Variants in UGT3A1 observed in about 807,000 individuals in gnomAD.
UGT3A1 encodes UDP glycosyltransferase family 3 member A1, also known as UDP-glycosyltransferase 3A1.
A neutral mutation model predicts 37.6 loss-of-function variants in UGT3A1; 40 were observed. That is an observed-to-expected ratio of 1.06 (90% CI 0.83 to 1.38). The LOEUF is 1.38. UGT3A1 is among the 40% of genes most tolerant of loss of function. The pLI, the probability that UGT3A1 is intolerant of heterozygous loss-of-function variation, is 0.00. For missense variants in UGT3A1, 642 were observed against 634.2 expected, an observed-to-expected ratio of 1.01 and a Z score of -0.13; for synonymous variants, 256 against 232.3, an observed-to-expected ratio of 1.10 and a Z score of -0.93.
chr5:35,958,461 T>TACC (rs1739444953), intron 4 of UGT3A1, among the ~76,000 whole-genome samples: 1 of 152,244 alleles, frequency 6.6e-6, no homozygotes. Context: ...CTGCCTGAAC[T>TACC]ACCATCTCAA....
chr5:35,980,936 AT>A (rs1200396724), intron 2 of UGT3A1, among the ~76,000 whole-genome samples: 1 of 152,216 alleles, frequency 6.6e-6, no homozygotes. Context: ...GGATTTCCTT[AT>A]ATTAGCTATT....
chr5:35,965,822 T>C lies in UGT3A1; in HGVS notation c.407A>G (p.Asn136Ser). The change falls in exon 4 of 7, where the codon AAT becomes AGT. Residue 136 changes from asparagine to serine, a missense_variant. By Grantham distance (46) the Asn-to-Ser change is conservative (BLOSUM62 1). Transcript: ENST00000274278. Reference protein sequence around the residue: ...SRKDIMDSLKNENYDLVFVEA... With the variant: ...SRKDIMDSLKSENYDLVFVEA... Reference sequence around the variant, plus strand: ...AACAAATACCAGATCATAGTTCTCATTCTTTAAGGAATCCATTATATCCTT... The same window carrying C: ...AACAAATACCAGATCATAGTTCTCACTCTTTAAGGAATCCATTATATCCTT... 1.9e-6 allele frequency: 3 copies of C among 1,614,128 alleles called. No individual in the cohort carries two copies. Among genetic ancestry groups the C allele is most frequent in the Non-Finnish European group, 2.5e-6 (3 of 1,180,010 alleles).
At chr5:35,982,608 G>A (rs1291475976) in intron 2 of UGT3A1, among the ~76,000 whole-genome samples, 2 of 152,220 alleles carry the variant, frequency 1.3e-5, no homozygotes, top group Non-Finnish European at 2.9e-5. Context: ...GATTTAAAAG[G>A]CTCATAGGCA....
upstream of UGT3A1, among the ~76,000 whole-genome samples, chr5:35,992,728 T>A (rs11750767): frequency 6.6e-6 from 1 of 152,042 alleles, no homozygotes; most frequent in Non-Finnish European, 1.5e-5. Context: ...TTAAACCAAT[T>A]CTAAAAAATT....
chr5:35,966,865 A>C (rs1739828062), intron 3 of UGT3A1, among the ~76,000 whole-genome samples: 1 of 152,238 alleles, frequency 6.6e-6, no homozygotes, highest in South Asian at 2.1e-4. Flanking sequence ...AGTGATATGC[A>C]GATCTCTGCC....
At chr5:35,982,381 G>T (rs905403151) in intron 2 of UGT3A1, among the ~76,000 whole-genome samples, 1 of 152,218 alleles carries the variant, frequency 6.6e-6, no homozygotes, top group African/African-American at 2.4e-5. Flanking sequence ...CCAAGGCCTT[G>T]CAAGCCCACC....
chr5:35,991,683 A>G (rs1580968266), upstream of UGT3A1: 1 of 981,648 alleles, frequency 1.0e-6, no homozygotes, highest in Non-Finnish European at 1.2e-6. Context: ...AGCTGCCTCT[A>G]TTACCTCATA....
chr5:35,959,951 A>G (rs1264186995), intron 4 of UGT3A1, among the ~76,000 whole-genome samples: 1 of 152,178 alleles, frequency 6.6e-6, no homozygotes, highest in Non-Finnish European at 1.5e-5. Flanking sequence ...AATTTCAACA[A>G]TAATATCAGA....
chr5:35,965,382 T>C lies in UGT3A1; in HGVS notation c.843+4A>G. On this transcript the variant is annotated splice_donor_region_variant and intron_variant, in intron 4 of 6. Transcript: ENST00000274278. Reference sequence around the variant, plus strand: ...CCCAAACTGAATGCTGAGGGTTCACTTACTTGTGGTACTGGTTTAATAGGT... The same window carrying C: ...CCCAAACTGAATGCTGAGGGTTCACCTACTTGTGGTACTGGTTTAATAGGT... 2.5e-6 allele frequency: 4 copies of C among 1,612,298 alleles called. No individual in the cohort carries two copies. Among genetic ancestry groups the C allele is most frequent in the Non-Finnish European group, 3.4e-6 (4 of 1,178,708 alleles).
chr5:35,957,271 C>T lies in UGT3A1; in HGVS notation c.992G>A (p.Cys331Tyr), dbSNP rs1409124465. ...AHLPQGVIWTCQSSHWPRDVH... is the reference protein window; with the variant it reads ...AHLPQGVIWTYQSSHWPRDVH... ...ATCTCTGGGCCAATGAGAACTCTGA[C>T]ATGTCCATATCACTCCTTGAGGGAG... is the stretch of plus-strand genomic sequence containing the variant. The change falls in exon 5 of 7, where the codon TGT (cysteine) becomes TAT (tyrosine). Residue 331 changes from cysteine to tyrosine, a missense_variant. Coordinates refer to ENST00000274278, the MANE Select transcript of UGT3A1 (RefSeq NM_152404.4). 1.9e-6 allele frequency: 3 copies of T among 1,614,078 alleles called. No individual in the cohort carries two copies. In the African/African-American group the frequency reaches 4.0e-5, roughly 22 times the overall value.
At chr5:35,982,968 T>C (rs1209663958) in intron 2 of UGT3A1, among the ~76,000 whole-genome samples, 1 of 152,174 alleles carries the variant, frequency 6.6e-6, no homozygotes, top group Non-Finnish European at 1.5e-5. Context: ...CTCTCTCTCC[T>C]GCTCCACCCT....
chr5:35,962,639 C>T (rs74387529), intron 4 of UGT3A1: 17,181 of 488,328 alleles, frequency 0.035, 385 homozygotes, highest in African/African-American at 0.053. Context: ...GTATAAAAAG[C>T]CTGCACATGT....
At chr5:35,962,607 A>C (rs1415534355) in intron 4 of UGT3A1, 1 of 384,978 alleles carries the variant, frequency 2.6e-6, no homozygotes, top group African/African-American at 2.0e-5. Context: ...ACTGTCAGCA[A>C]AGATCTAGAT....
intron 2 of UGT3A1, among the ~76,000 whole-genome samples, chr5:35,996,794 G>A (rs1293682225): frequency 2.6e-5 from 4 of 152,180 alleles, no homozygotes; most frequent in Non-Finnish European, 1.5e-5. Context: ...GGAAATATTA[G>A]GGGAGAAGAA....
intron 2 of UGT3A1, among the ~76,000 whole-genome samples, chr5:35,972,494 C>CGTGTGT (rs4024103): frequency 0.062 from 8,790 of 141,338 alleles, 351 homozygotes; most frequent in African/African-American, 0.098. Context: ...CCTTGAAATA[C>CGTGTGT]GTGTGTGTGT....
chr5:35,977,082 G>A (rs1468064006), intron 2 of UGT3A1, among the ~76,000 whole-genome samples: 2 of 72,496 alleles, frequency 2.8e-5, no homozygotes, highest in African/African-American at 1.0e-4. Flanking sequence ...AGAAAAGAAA[G>A]AAAGAAAGAG....
intron 5 of UGT3A1, among the ~76,000 whole-genome samples, chr5:35,956,277 C>A (rs1364773531): frequency 6.6e-6 from 1 of 152,232 alleles, no homozygotes; most frequent in African/African-American, 2.4e-5. Flanking sequence ...ATAAACCATA[C>A]ACTTCTACTT....
chr5:35,982,765 C>A (rs943258205), intron 2 of UGT3A1, among the ~76,000 whole-genome samples: 1 of 152,128 alleles, frequency 6.6e-6, no homozygotes, highest in African/African-American at 2.4e-5. Flanking sequence ...GGGCCAGGGG[C>A]GGAATGACAT....
intron 2 of UGT3A1, among the ~76,000 whole-genome samples, chr5:35,988,146 A>G (rs112658197): frequency 1.3e-5 from 2 of 152,242 alleles, no homozygotes; most frequent in African/African-American, 4.8e-5. Context: ...GTTCAAAAAA[A>G]CTTTAAGCCA....
Sources: gnomAD v4.1 joint callset for allele counts (sites outside exome capture counted in the v4.1 genomes callset) on GRCh38, gnomAD v4.1.1 for gene constraint, MANE v1.5 for transcripts, NCBI Gene and HGNC (gene_info 2026-07-23, HGNC 2026-07-21) for gene names.